ADGRB3: variants seen among roughly 807,000 people sequenced by gnomAD.
The protein encoded by ADGRB3 is adhesion G protein-coupled receptor B3.
ADGRB3 carries 37 observed loss-of-function variants against 193.4 expected under a neutral mutation model. The observed-to-expected ratio is 0.19, with a 90% CI of 0.15 to 0.25. ADGRB3 has a LOEUF of 0.25. Ranked by LOEUF, ADGRB3 falls within the 10% of genes least tolerant of loss-of-function variation. The pLI, the probability that ADGRB3 is intolerant of heterozygous loss-of-function variation, is 1.00. For missense variants in ADGRB3, 1,637 were observed against 1,852.9 expected (o/e 0.88, Z 2.14); for synonymous variants, 690 against 644.2 (o/e 1.07, Z -1.08).
At chr6:69,343,290 C>T (rs1014630107) in intron 26 of ADGRB3, among the ~76,000 whole-genome samples, 7 of 150,212 alleles carry the variant, frequency 4.7e-5, no homozygotes, top group African/African-American at 1.7e-4. Flanking sequence ...CCCACTAACT[C>T]GTCATCTAGC....
At chr6:68,868,910 G>GT (rs372367034) in intron 3 of ADGRB3, among the ~76,000 whole-genome samples, 2,727 of 106,362 alleles carry the variant, frequency 0.026, 29 homozygotes, top group Middle Eastern at 0.033. Flanking sequence ...TCCAGATAAT[G>GT]ATGTGTGTGT....
At chr6:68,886,940 A>C (rs1039547146) in intron 3 of ADGRB3, among the ~76,000 whole-genome samples, 1 of 151,712 alleles carries the variant, frequency 6.6e-6, no homozygotes, top group African/African-American at 2.4e-5. Flanking sequence ...AGTTCTAGTA[A>C]CCTTCTGGTT....
chr6:68,647,540 T>A (rs1294775586), intron 3 of ADGRB3, among the ~76,000 whole-genome samples: 1 of 152,184 alleles, frequency 6.6e-6, no homozygotes, highest in Non-Finnish European at 1.5e-5. Context: ...CAAAGGATCA[T>A]AAAGCCATAG....
chr6:68,663,073 C>G (rs530789040), intron 3 of ADGRB3, among the ~76,000 whole-genome samples: 2 of 151,240 alleles, frequency 1.3e-5, no homozygotes, highest in Admixed American at 1.3e-4. Context: ...AAAAGTAAAT[C>G]GAAATACATA....
chr6:68,857,374 C>T (rs1259225120), intron 3 of ADGRB3, among the ~76,000 whole-genome samples: 1 of 152,222 alleles, frequency 6.6e-6, no homozygotes, highest in Non-Finnish European at 1.5e-5. Context: ...AGGCTATACC[C>T]TGCAAAACCA....
intron 11 of ADGRB3, among the ~76,000 whole-genome samples, chr6:68,999,355 C>T (rs1247290228): frequency 6.6e-6 from 1 of 151,520 alleles, no homozygotes; most frequent in African/African-American, 2.4e-5. Flanking sequence ...AGCTCTGCCT[C>T]CCGGGTTCAC....
intron 3 of ADGRB3, among the ~76,000 whole-genome samples, chr6:68,810,713 TAAATAA>T (rs1486611510): frequency 6.6e-6 from 1 of 151,880 alleles, no homozygotes; most frequent in East Asian, 1.9e-4. Flanking sequence ...AGGTTAAAAG[TAAATAA>T]AAATGAAAAA....
chr6:68,874,244 G>A (rs895185211), intron 3 of ADGRB3, among the ~76,000 whole-genome samples: 10 of 152,170 alleles, frequency 6.6e-5, no homozygotes, highest in African/African-American at 1.9e-4. Flanking sequence ...GCATATTACT[G>A]CTGTAACTAT....
At chr6:68,661,286 G>A (rs1020126722) in intron 3 of ADGRB3, among the ~76,000 whole-genome samples, 3 of 144,260 alleles carry the variant, frequency 2.1e-5, no homozygotes, top group Non-Finnish European at 4.6e-5. Flanking sequence ...CATTATAGGT[G>A]GCCAAAATAT....
At chr6:69,257,567 TA>T (rs1194311634) in intron 20 of ADGRB3, among the ~76,000 whole-genome samples, 2 of 152,190 alleles carry the variant, frequency 1.3e-5, no homozygotes, top group Non-Finnish European at 2.9e-5. Flanking sequence ...ATGTTTGAGG[TA>T]AACAAAATCC....
At chr6:68,700,083 A>C (rs897394687) in intron 3 of ADGRB3, among the ~76,000 whole-genome samples, 2 of 152,184 alleles carry the variant, frequency 1.3e-5, no homozygotes, top group Non-Finnish European at 2.9e-5. Context: ...GTAAAAGAAC[A>C]GGTAAATAAA....
At chr6:68,865,397 C>T (rs992467306) in intron 3 of ADGRB3, among the ~76,000 whole-genome samples, 1 of 152,130 alleles carries the variant, frequency 6.6e-6, no homozygotes, top group Non-Finnish European at 1.5e-5. Context: ...ATCTGTCTTT[C>T]TTGCCTCACC....
intron 3 of ADGRB3, among the ~76,000 whole-genome samples, chr6:68,925,118 C>T (rs2150243927): frequency 6.6e-6 from 1 of 151,862 alleles, no homozygotes; most frequent in Non-Finnish European, 1.5e-5. Flanking sequence ...TTCTCCTATC[C>T]TCTCTATCTT....
chr6:69,058,604 C>A (rs1489511042), intron 15 of ADGRB3, among the ~76,000 whole-genome samples: 1 of 151,714 alleles, frequency 6.6e-6, no homozygotes, highest in Non-Finnish European at 1.5e-5. Flanking sequence ...CTCTTAGTAC[C>A]TTTTTGCTGC....
chr6:69,109,758 G>C (rs956500100), intron 17 of ADGRB3, among the ~76,000 whole-genome samples: 3 of 152,102 alleles, frequency 2.0e-5, no homozygotes, highest in Admixed American at 6.6e-5. Flanking sequence ...GAAGCGGAAA[G>C]GGGATAATAT....
intron 24 of ADGRB3, among the ~76,000 whole-genome samples, chr6:69,333,581 A>G (rs985417697): frequency 6.6e-6 from 1 of 151,968 alleles, no homozygotes; most frequent in Non-Finnish European, 1.5e-5. Context: ...TTAACCTCAT[A>G]AAATTTAGAA....
At chr6:69,336,766 A>C (rs1476640277) in intron 24 of ADGRB3, among the ~76,000 whole-genome samples, 1 of 152,110 alleles carries the variant, frequency 6.6e-6, no homozygotes, top group African/African-American at 2.4e-5. Context: ...ATAATAAAGA[A>C]ACAAGATCTC....
At chr6:69,234,362 C>T (rs1766216582) in intron 18 of ADGRB3, among the ~76,000 whole-genome samples, 1 of 151,946 alleles carries the variant, frequency 6.6e-6, no homozygotes, top group African/African-American at 2.4e-5. Flanking sequence ...TTTTCAAGGT[C>T]ATGCATTTAG....
rs185722498 is a variant in ADGRB3 at position 69,022,349 on chromosome 6, G to A, written c.2107+3850G>A. Among the ~76,000 whole-genome samples, 127 of 151,756 alleles carry A rather than the reference G, an allele frequency of 8.4e-4. 1 individual carries two copies. The highest frequency in any genetic ancestry group is 1.5e-3 in the Non-Finnish European group (100 of 67,694). ...TATTAGTATCAATTAGGTCTGGAGG[G>A]CCATATCTTTATATTATTTAATATG... On this transcript the variant is annotated intron_variant, in intron 13 of 31. Transcript: ENST00000370598.
Sources: allele counts gnomAD v4.1 joint callset (sites outside exome capture counted in the v4.1 genomes callset), GRCh38; gene constraint gnomAD v4.1.1; transcripts MANE v1.5; gene names NCBI Gene and HGNC (gene_info 2026-07-23, HGNC 2026-07-21).